Variants in PLA2G6 observed in about 807,000 individuals in gnomAD.
PLA2G6 encodes phospholipase A2 group VI, also known as 85/88 kDa calcium-independent phospholipase A2.
In PLA2G6, 62 loss-of-function variants were observed where a neutral mutation model predicts 83.8. That is an observed-to-expected ratio of 0.74 (90% CI 0.60 to 0.91). The LOEUF (loss-of-function observed/expected upper bound fraction) is 0.91, where lower values mean the gene tolerates loss of function less well. Ranked by LOEUF, PLA2G6 falls within the 40% of genes least tolerant of loss-of-function variation. The probability of loss-of-function intolerance (pLI) is 0.00; values close to 1 mark genes in which losing one functional copy is unlikely to be tolerated. For synonymous variants in PLA2G6, 417 were observed against 449.8 expected (o/e 0.93, Z 0.92); for missense variants, 944 against 1,102.0 (o/e 0.86, Z 2.03).
chr22:38,176,023 C>T (rs2090617690), intron 1 of PLA2G6, among the ~76,000 whole-genome samples: 1 of 152,286 alleles, frequency 6.6e-6, no homozygotes, highest in East Asian at 1.9e-4. Context: ...AGCTGCCATG[C>T]TCCTCTCCAC....
At chr22:38,150,025 C>T (rs2089481515) in intron 2 of PLA2G6, 1 of 144,698 alleles carries the variant, frequency 6.9e-6, no homozygotes. Flanking sequence ...TTAACATACC[C>T]TATAAGCCCT....
At chr22:38,148,211 C>T (rs750369634) in intron 2 of PLA2G6, 3 of 368,394 alleles carry the variant, frequency 8.1e-6, no homozygotes, top group South Asian at 2.3e-5. Flanking sequence ...GGTTTAAGGA[C>T]ACAATGTGAG....
intron 10 of PLA2G6, among the ~76,000 whole-genome samples, chr22:38,125,200 G>A (rs757422193): frequency 6.6e-6 from 1 of 152,206 alleles, no homozygotes; most frequent in African/African-American, 2.4e-5. Flanking sequence ...ATGTGTATGT[G>A]TGTGCATGCA....
chr22:38,181,771 C>T lies in PLA2G6; in HGVS notation c.-153G>A, dbSNP rs1449486682. 1.3e-5 allele frequency: 2 copies of T among 152,294 alleles called. No homozygotes were observed. Among genetic ancestry groups the T allele is most frequent in the Admixed American group, 1.3e-4 (2 of 15,282 alleles). 9.4% of individuals were successfully genotyped at this position (152,294 alleles called of 1,614,324 possible). ...CGGACCCCCAGGCCCCGCCCACCCG[C>T]GAGGTCACTCACCTCGGCTTACTCA... On this transcript the variant is annotated 5_prime_UTR_variant, in exon 1 of 17. Coordinates refer to ENST00000332509, the MANE Select transcript of PLA2G6 (RefSeq NM_003560.4).
intron 9 of PLA2G6, chr22:38,127,305 C>A: frequency 7.8e-7 from 1 of 1,274,982 alleles, no homozygotes; most frequent in South Asian, 1.3e-5. Context: ...GGGGAGGGGG[C>A]GTGTGGTGTG....
At chr22:38,172,097 G>A (rs2090459039) in intron 1 of PLA2G6, among the ~76,000 whole-genome samples, 3 of 152,084 alleles carry the variant, frequency 2.0e-5, no homozygotes, top group Non-Finnish European at 4.4e-5. Flanking sequence ...GGTAAGCTTC[G>A]TCATCCTCCT....
intron 13 of PLA2G6, 110 bp from the exon 14 acceptor site, chr22:38,115,791 G>A: frequency 6.7e-7 from 1 of 1,491,068 alleles, no homozygotes. Flanking sequence ...GGGAAGAGGG[G>A]AGGCTGGGAA....
intron 2 of PLA2G6, among the ~76,000 whole-genome samples, chr22:38,160,777 A>G (rs1161716618): frequency 2.0e-5 from 3 of 152,170 alleles, no homozygotes; most frequent in Non-Finnish European, 2.9e-5. Context: ...CCCAGGAGGC[A>G]GAGCTTGCAG....
In PLA2G6 at chr22:38,145,499, C is replaced by T. The variant is rs1414361557; in HGVS notation, c.364G>A (p.Val122Met). The change falls in exon 3 of 17, where the codon GTG becomes ATG. Residue 122 changes from valine (V) to methionine (M), a missense_variant. By Grantham distance (21) the Val-to-Met change is conservative (BLOSUM62 1). Coordinates refer to ENST00000332509, the MANE Select transcript of PLA2G6 (RefSeq NM_003560.4). ...CCTAGCTCCACAGCCAGGTGGGCCA[C>T]TGACCAGCTGGGGTGGTTACGGATG... ...DLIRNHPSWS[V>M]AHLAVELGIR... 1 of 1,612,924 alleles carries T rather than the reference C, an allele frequency of 6.2e-7. No homozygotes were observed. The highest frequency in any genetic ancestry group is 8.5e-7 in the Non-Finnish European group (1 of 1,179,696).
chr22:38,167,668 A>G (rs893573242), intron 2 of PLA2G6, among the ~76,000 whole-genome samples: 1 of 152,202 alleles, frequency 6.6e-6, no homozygotes, highest in Non-Finnish European at 1.5e-5. Flanking sequence ...TGGTGCCTGC[A>G]CTGGCCACTG....
intron 1 of PLA2G6, among the ~76,000 whole-genome samples, chr22:38,177,841 C>T (rs1004781828): frequency 4.6e-5 from 7 of 152,146 alleles, no homozygotes; most frequent in African/African-American, 1.7e-4. Flanking sequence ...AACTGGGGCA[C>T]AGGTTACACA....
chr22:38,162,447 C>T (rs910302801), intron 2 of PLA2G6, among the ~76,000 whole-genome samples: 1 of 151,988 alleles, frequency 6.6e-6, no homozygotes, highest in Non-Finnish European at 1.5e-5. Context: ...CTGGGAAAAG[C>T]GGCCAGGAGC....
intron 12 of PLA2G6, among the ~76,000 whole-genome samples, chr22:38,116,882 T>G (rs1050946970): frequency 3.7e-5 from 4 of 108,102 alleles, no homozygotes; most frequent in African/African-American, 1.3e-4. Context: ...AAAAACAGAA[T>G]ATTTTGAACA....
intron 2 of PLA2G6, among the ~76,000 whole-genome samples, chr22:38,163,119 A>G (rs1007406263): frequency 6.6e-6 from 1 of 152,080 alleles, no homozygotes; most frequent in Non-Finnish European, 1.5e-5. Context: ...GGGGTCCTGG[A>G]CCAAAAAAAA....
chr22:38,168,284 T>C (rs1056144678), intron 2 of PLA2G6, among the ~76,000 whole-genome samples: 7 of 152,222 alleles, frequency 4.6e-5, no homozygotes, highest in South Asian at 2.1e-4. Flanking sequence ...GACAGCCAGA[T>C]GGATAGGTGA....
At chr22:38,120,630 G>A in intron 12 of PLA2G6, 129 bp downstream of exon 12, 1 of 1,141,086 alleles carries the variant, frequency 8.8e-7, no homozygotes, top group Non-Finnish European at 1.3e-6. Flanking sequence ...TGGGAAGGGG[G>A]TTCCCTCTGC....
chr22:38,135,003 C>G lies in PLA2G6; in HGVS notation c.879G>C (p.Trp293Cys). 6.2e-7 allele frequency: 1 copy of G among 1,611,670 alleles called. No homozygotes were observed. Among genetic ancestry groups the G allele is most frequent in the African/African-American group, 1.3e-5 (1 of 74,986 alleles). ...ATCCACTCACCTCTGCGTTCTTGGC[C>G]CAGTGGAGGGGGCTGGCTCCGTAAC... ...DPRYGASPLHWAKNAEMARML... is the reference protein window; with the variant it reads ...DPRYGASPLHCAKNAEMARML... The change falls in exon 6 of 17, where the codon TGG becomes TGC. Residue 293 changes from tryptophan (W) to cysteine (C), a missense_variant. Coordinates refer to ENST00000332509, the MANE Select transcript of PLA2G6 (RefSeq NM_003560.4).
In PLA2G6 at chr22:38,157,761, C is replaced by T. The variant is rs931388354; in HGVS notation, c.209+11457G>A. The stretch of plus-strand genomic sequence containing the variant: ...ATTAAAAAGGTCACTCACGGCCAGG[C>T]GCAGTGGCTCACACCTGTAATCCCG... On this transcript the variant is annotated intron_variant, in intron 2 of 16. Coordinates refer to ENST00000332509, the MANE Select transcript of PLA2G6 (RefSeq NM_003560.4). Among the ~76,000 whole-genome samples, 28 of 152,100 alleles carry T rather than the reference C, an allele frequency of 1.8e-4. No homozygotes were observed. In the East Asian group the frequency reaches 1.9e-3, roughly 10 times the overall value.
chr22:38,172,128 T>C (rs1443794434), intron 1 of PLA2G6, among the ~76,000 whole-genome samples: 1 of 152,176 alleles, frequency 6.6e-6, no homozygotes, highest in African/African-American at 2.4e-5. Flanking sequence ...CCTGTGCATC[T>C]TGCTGGCACC....
Sources: gnomAD v4.1 joint callset for allele counts (sites outside exome capture counted in the v4.1 genomes callset) on GRCh38, gnomAD v4.1.1 for gene constraint, MANE v1.5 for transcripts, NCBI Gene and HGNC (gene_info 2026-07-23, HGNC 2026-07-21) for gene names.